The following GNA15 variants were observed in gnomAD, a reference collection of about 807,000 sequenced individuals.
GNA15 encodes G protein subunit alpha 15, also known as guanine nucleotide-binding protein subunit alpha-15.
Under a neutral mutation model 40.1 loss-of-function variants are expected in GNA15, and 23 were observed. The observed-to-expected ratio is 0.57, with a 90% CI of 0.41 to 0.81. GNA15 has a LOEUF of 0.81. Ranked by LOEUF, GNA15 falls within the 40% of genes least tolerant of loss-of-function variation. The pLI is 0.00. For synonymous variants in GNA15, 226 were observed against 210.4 expected, an observed-to-expected ratio of 1.07 and a Z score of -0.64; for missense variants, 522 against 515.8, an observed-to-expected ratio of 1.01 and a Z score of -0.12.
intron 2 of GNA15, 21 bp downstream of exon 2, chr19:3,148,796 G>A (rs746931693): frequency 1.8e-5 from 28 of 1,571,704 alleles, no homozygotes; most frequent in Non-Finnish European, 2.4e-5. Flanking sequence ...AGGGCAGGCA[G>A]GGGCCCAGGG....
At chr19:3,159,966 C>T (rs1384558975) in intron 6 of GNA15, among the ~76,000 whole-genome samples, 1 of 152,210 alleles carries the variant, frequency 6.6e-6, no homozygotes, top group Non-Finnish European at 1.5e-5. Context: ...TACATATTCA[C>T]TAGCACTTTC....
At position 3,155,463 on chromosome 19, in the gene GNA15, A is replaced by C. The variant is rs1914988659; in HGVS notation, c.615-360A>C. On this transcript the variant is annotated intron_variant, in intron 4 of 6. Coordinates refer to ENST00000262958, the MANE Select transcript of GNA15 (RefSeq NM_002068.4). This position sits in a 1 kb window ranked among gnomAD's most constrained non-coding sequence, Gnocchi z 5.6. ...CAGGAGCCCCATAGCACAGATGGGA[A>C]AACTGAGTTTTGGAGATGTTTGGCA... Among the ~76,000 whole-genome samples, 6 of 152,172 alleles carry C rather than the reference A, an allele frequency of 3.9e-5. No individual in the cohort carries two copies. The South Asian group carries it at 1.2e-3, about 31-fold the overall frequency.
intron 6 of GNA15, among the ~76,000 whole-genome samples, chr19:3,158,821 A>C (rs1915085164): frequency 2.0e-5 from 3 of 151,912 alleles, no homozygotes; most frequent in Non-Finnish European, 4.4e-5. Flanking sequence ...TTTTTAGTAG[A>C]GATGGGGTTT....
chr19:3,158,539 T>G (rs746395454), intron 6 of GNA15, among the ~76,000 whole-genome samples: 1 of 152,180 alleles, frequency 6.6e-6, no homozygotes, highest in Non-Finnish European at 1.5e-5. Context: ...AGGTCACTGT[T>G]GTAAAGCACT....
chr19:3,144,672 G>A (rs924351822), intron 1 of GNA15, among the ~76,000 whole-genome samples: 24 of 151,052 alleles, frequency 1.6e-4, no homozygotes, highest in Admixed American at 7.3e-4. Flanking sequence ...GGAACTACAG[G>A]CGCCCGCCAC....
Position 3,162,927 on chromosome 19 carries a change from T to A in GNA15, c.1033T>A (p.Cys345Ser). The stretch of plus-strand genomic sequence containing the variant: ...CCGACGCCTCTTCAGCCACTACACA[T>A]GTGCCACAGACACACAGAACATCCG... The part of the protein sequence containing the change: ...RSRRLFSHYT[C>S]ATDTQNIRKV... Residue 345 changes from cysteine to serine, a missense_variant, in exon 7 of 7, where the codon TGT (cysteine) becomes AGT (serine). Coordinates refer to ENST00000262958, the MANE Select transcript of GNA15 (RefSeq NM_002068.4). The A allele has an allele frequency of 6.2e-7, 1 of 1,614,038 alleles. No homozygotes were observed. The highest frequency in any genetic ancestry group is 8.5e-7 in the Non-Finnish European group (1 of 1,179,950).
intron 6 of GNA15, 97 bp from the exon 7 acceptor site, chr19:3,162,696 G>C (rs759635304): frequency 8.3e-6 from 6 of 725,150 alleles, no homozygotes; most frequent in South Asian, 1.6e-5. Flanking sequence ...GCGATCCCTG[G>C]GTCCCTTCAG....
intron 5 of GNA15, 137 bp downstream of exon 5, chr19:3,156,089 C>A: frequency 2.5e-6 from 2 of 792,966 alleles, no homozygotes; most frequent in South Asian, 3.6e-5. Flanking sequence ...ATGAACTTGA[C>A]CCTTCAGCCT....
Position 3,157,028 on chromosome 19 carries a change from G to C in GNA15, c.745-700G>C, listed in dbSNP as rs573287588. Among the ~76,000 whole-genome samples the C allele has an allele frequency of 4.5e-4, 68 of 150,950 alleles. 1 individual carries two copies. The highest frequency in any genetic ancestry group is 4.7e-4 in the Non-Finnish European group (32 of 67,624). ...ACTTTTTTTTTTGAGATGGAGTCTC[G>C]CTTTTGTCGCCCAGGTTAGAGTGCA... is the stretch of plus-strand genomic sequence containing the variant. On this transcript the variant is annotated intron_variant, in intron 5 of 6. Coordinates refer to ENST00000262958, the MANE Select transcript of GNA15 (RefSeq NM_002068.4).
intron 6 of GNA15, among the ~76,000 whole-genome samples, chr19:3,158,352 C>T (rs184503565): frequency 6.2e-4 from 95 of 152,104 alleles, no homozygotes; most frequent in African/African-American, 2.2e-3. Flanking sequence ...CGGGATTTCA[C>T]CATGTTGACC....
intron 1 of GNA15, among the ~76,000 whole-genome samples, chr19:3,137,876 G>A (rs765646710): frequency 2.0e-5 from 3 of 152,066 alleles, no homozygotes; most frequent in East Asian, 1.9e-4. Context: ...CATGAGAATC[G>A]CTTGAACCCA....
At chr19:3,156,312 G>A (rs1289666996) in intron 5 of GNA15, among the ~76,000 whole-genome samples, 1 of 151,322 alleles carries the variant, frequency 6.6e-6, no homozygotes, top group Non-Finnish European at 1.5e-5. Flanking sequence ...TACACACGCA[G>A]TGCACATGCA....
intron 1 of GNA15, among the ~76,000 whole-genome samples, chr19:3,148,076 T>G (rs1488952045): frequency 3.5e-5 from 1 of 28,820 alleles, no homozygotes; most frequent in Admixed American, 4.3e-4. Flanking sequence ...CCATGTTTTG[T>G]TTTTTTTGTT....
chr19:3,136,433 G>A lies in GNA15; in HGVS notation c.-18G>A, dbSNP rs776216111. The A allele has an allele frequency of 1.5e-5, 23 of 1,546,668 alleles. No individual in the cohort carries two copies. The African/African-American group carries it at 2.3e-4, about 16-fold the overall frequency. On this transcript the variant is annotated 5_prime_UTR_variant, in exon 1 of 7. Coordinates refer to ENST00000262958, the MANE Select transcript of GNA15 (RefSeq NM_002068.4). The surrounding 1 kb of genome is among the most constrained non-coding windows in gnomAD (Gnocchi z 4.9). ...CCCGGGGGCGATGCCACCCGGTGCC[G>A]ACTGAGGCCACCGCACCATGGCCCG...
chr19:3,162,748 C>A, intron 6 of GNA15, 45 bp from the exon 7 acceptor site: 1 of 1,370,806 alleles, frequency 7.3e-7, no homozygotes, highest in Non-Finnish European at 1.0e-6. Flanking sequence ...CCCCCTGGGT[C>A]CAAAGAGGGA....
intron 5 of GNA15, among the ~76,000 whole-genome samples, chr19:3,156,161 C>T (rs1243013324): frequency 8.4e-6 from 1 of 118,854 alleles, no homozygotes; most frequent in African/African-American, 3.7e-5. Flanking sequence ...GTCAGGACCC[C>T]AGACACACAC....
Position 3,136,317 on chromosome 19 carries a change from C to A in GNA15, c.-134C>A. The A allele has an allele frequency of 1.2e-6, 1 of 865,602 alleles. No homozygotes were observed. Among genetic ancestry groups the A allele is most frequent in the Non-Finnish European group, 1.7e-6 (1 of 580,414 alleles). 53.6% of individuals were successfully genotyped at this position (865,602 alleles called of 1,614,324 possible). A position where few individuals can be genotyped will look rare whatever the true frequency, so the allele number is the denominator to read the frequency against. On this transcript the variant is annotated 5_prime_UTR_variant, in exon 1 of 7. Coordinates refer to ENST00000262958, the MANE Select transcript of GNA15 (RefSeq NM_002068.4). The surrounding 1 kb of genome is among the most constrained non-coding windows in gnomAD (Gnocchi z 4.9). ...GAAGTCTAGGTCCCTGGGGGGTGAC[C>A]CCCAAGGAAAAGGCAGCCTCCCTGC...
At chr19:3,154,980 G>A (rs35047169) in intron 4 of GNA15, 10,818 of 152,188 alleles carry the variant, frequency 0.071, 491 homozygotes, top group Middle Eastern at 0.11. Flanking sequence ...TCCCACTCCC[G>A]TCTCAGTCTC....
intron 1 of GNA15, among the ~76,000 whole-genome samples, chr19:3,143,643 A>G (rs2144843490): frequency 6.6e-6 from 1 of 152,084 alleles, no homozygotes; most frequent in South Asian, 2.1e-4. Flanking sequence ...ACAGAGTGAG[A>G]CCCTGTCTCA....
Sources: allele counts gnomAD v4.1 joint callset (sites outside exome capture counted in the v4.1 genomes callset), GRCh38; gene constraint gnomAD v4.1.1; non-coding constraint Gnocchi (gnomAD v3.1); transcripts MANE v1.5; gene names NCBI Gene and HGNC (gene_info 2026-07-23, HGNC 2026-07-21).